Variants in CSPP1 observed in about 807,000 individuals in gnomAD.
CSPP1 encodes the protein centrosome and spindle pole associated protein 1.
A neutral mutation model predicts 164.4 loss-of-function variants in CSPP1; 126 were observed. The ratio of observed to expected loss-of-function variants is 0.77; its 90% CI spans 0.66 to 0.89. The LOEUF (loss-of-function observed/expected upper bound fraction) is 0.89. Among genes scored for constraint, CSPP1 ranks in the 40% least tolerant of loss-of-function variants. The pLI is 0.00. For synonymous variants in CSPP1, 472 were observed against 476.7 expected, an observed-to-expected ratio of 0.99 and a Z score of 0.13; for missense variants, 1,395 against 1,449.8, an observed-to-expected ratio of 0.96 and a Z score of 0.61.
chr8:67,069,191 T>C (rs561050238), intron 1 of CSPP1: 1 of 152,358 alleles, frequency 6.6e-6, no homozygotes, highest in East Asian at 1.9e-4. Context: ...GTAGTTTTCC[T>C]GGTGTTCTTT....
intron 3 of CSPP1, among the ~76,000 whole-genome samples, chr8:67,079,829 G>A (rs184188382): frequency 2.6e-5 from 4 of 152,146 alleles, no homozygotes; most frequent in Admixed American, 1.3e-4. Flanking sequence ...CTTGCATCCC[G>A]TTGTATTTCC....
chr8:67,118,892 C>T, intron 15 of CSPP1, 71 bp downstream of exon 15: 1 of 1,001,678 alleles, frequency 1.0e-6, no homozygotes, highest in South Asian at 1.3e-5. Flanking sequence ...ACCTAAAAGC[C>T]ACCATCCTAA....
intron 1 of CSPP1, among the ~76,000 whole-genome samples, chr8:67,072,833 A>C (rs1288546523): frequency 6.8e-6 from 1 of 147,124 alleles, no homozygotes; most frequent in African/African-American, 2.5e-5. Flanking sequence ...GCAACACTGT[A>C]CTCTCTAGCC....
In CSPP1 at chr8:67,158,436, T is replaced by C; in HGVS notation, c.2242-11T>C. ...GTTTTACAAGATAAATAACTAAGTT[T>C]AATTCTTTAGATTGAGGAAAAGAAA... is the stretch of plus-strand genomic sequence containing the variant. On this transcript the variant is annotated splice_polypyrimidine_tract_variant and intron_variant, in intron 19 of 30. Transcript: ENST00000678616. 1 of 1,568,004 alleles carries C rather than the reference T, an allele frequency of 6.4e-7. No homozygotes were observed. Among genetic ancestry groups the C allele is most frequent in the Non-Finnish European group, 8.6e-7 (1 of 1,156,560 alleles).
At chr8:67,195,128 CT>C (rs1837629315) in intron 30 of CSPP1, among the ~76,000 whole-genome samples, 1 of 152,120 alleles carries the variant, frequency 6.6e-6, no homozygotes, top group African/African-American at 2.4e-5. Context: ...CCTCTGGTTG[CT>C]AGTGCCATGG....
chr8:67,086,866 G>C (rs763519916), intron 4 of CSPP1: 1 of 1,321,742 alleles, frequency 7.6e-7, no homozygotes, highest in Non-Finnish European at 1.0e-6. Context: ...TCTGCAATAC[G>C]TCCTCCTTCA....
At chr8:67,185,538 AG>A (rs1482916954) in intron 28 of CSPP1, among the ~76,000 whole-genome samples, 1 of 152,186 alleles carries the variant, frequency 6.6e-6, no homozygotes, top group Non-Finnish European at 1.5e-5. Flanking sequence ...TAACATCACC[AG>A]TGGTCTGTCG....
chr8:67,142,250 G>A (rs547036122), intron 17 of CSPP1, among the ~76,000 whole-genome samples: 7 of 151,658 alleles, frequency 4.6e-5, no homozygotes, highest in Non-Finnish European at 7.4e-5. Context: ...ATGTTAAAAC[G>A]TATACACCAA....
intron 16 of CSPP1, among the ~76,000 whole-genome samples, chr8:67,132,650 A>G (rs1475349994): frequency 6.6e-6 from 1 of 152,214 alleles, no homozygotes; most frequent in African/African-American, 2.4e-5. Flanking sequence ...GAAGACATCT[A>G]AGAGACAATT....
At chr8:67,136,625 A>G (rs894823244) in intron 16 of CSPP1, among the ~76,000 whole-genome samples, 3 of 151,600 alleles carry the variant, frequency 2.0e-5, no homozygotes, top group Admixed American at 6.6e-5. Flanking sequence ...AATAAAATTC[A>G]GCACAATAAA....
intron 7 of CSPP1, among the ~76,000 whole-genome samples, chr8:67,101,768 C>CT (rs1040328468): frequency 2.6e-4 from 39 of 151,282 alleles, no homozygotes; most frequent in African/African-American, 6.3e-4. Context: ...TGAGAAGTTT[C>CT]TTTTTTTTTC....
intron 15 of CSPP1, among the ~76,000 whole-genome samples, chr8:67,131,460 T>C (rs1821220737): frequency 6.6e-6 from 1 of 152,240 alleles, no homozygotes; most frequent in Admixed American, 6.5e-5. Context: ...TTTTTTCTTT[T>C]ATGTTTCCTT....
At chr8:67,141,527 A>T (rs2129556066) in intron 17 of CSPP1, among the ~76,000 whole-genome samples, 1 of 152,092 alleles carries the variant, frequency 6.6e-6, no homozygotes, top group Admixed American at 6.6e-5. Flanking sequence ...TTTTATCTTT[A>T]TTTTTATTTT....
chr8:67,142,114 A>G (rs555815364), intron 17 of CSPP1, among the ~76,000 whole-genome samples: 2 of 152,332 alleles, frequency 1.3e-5, no homozygotes, highest in Non-Finnish European at 2.9e-5. Context: ...CCCCTTTTAA[A>G]GTAAATATTT....
intron 4 of CSPP1, among the ~76,000 whole-genome samples, chr8:67,089,673 C>T (rs1055533029): frequency 6.6e-6 from 1 of 151,792 alleles, no homozygotes; most frequent in Non-Finnish European, 1.5e-5. Context: ...TTTTCAGTCC[C>T]AAATGTATCA....
At chr8:67,138,118 A>G (rs897720418) in intron 17 of CSPP1, among the ~76,000 whole-genome samples, 4 of 152,180 alleles carry the variant, frequency 2.6e-5, no homozygotes, top group African/African-American at 9.7e-5. Context: ...TTGTTGATTT[A>G]TCTTTCAATT....
intron 15 of CSPP1, among the ~76,000 whole-genome samples, chr8:67,128,893 T>C (rs141679852): frequency 1.8e-3 from 272 of 152,316 alleles, no homozygotes; most frequent in African/African-American, 6.2e-3. Flanking sequence ...TAGCTTGAGG[T>C]GTATTTCTTA....
intron 28 of CSPP1, among the ~76,000 whole-genome samples, chr8:67,184,769 A>AT (rs1421815048): frequency 8.1e-5 from 12 of 147,694 alleles, no homozygotes; most frequent in African/African-American, 2.7e-4. Flanking sequence ...AATAATAATA[A>AT]AGGTTGGGGG....
At chr8:67,095,182 A>G (rs1489767452) in intron 6 of CSPP1, 111 bp from the exon 7 acceptor site, 3 of 568,274 alleles carry the variant, frequency 5.3e-6, no homozygotes, top group Non-Finnish European at 6.0e-6. Flanking sequence ...GGGTGATTAA[A>G]TAAACATCAG....
Sources: gnomAD v4.1 joint callset for allele counts (sites outside exome capture counted in the v4.1 genomes callset) on GRCh38, gnomAD v4.1.1 for gene constraint, MANE v1.5 for transcripts, NCBI Gene and HGNC (gene_info 2026-07-23, HGNC 2026-07-21) for gene names.